Variants in SLC15A4 observed in about 807,000 individuals in gnomAD.
The protein encoded by SLC15A4 is solute carrier family 15 member 4.
SLC15A4 carries 26 observed loss-of-function variants against 46.1 expected under a neutral mutation model. The ratio of observed to expected loss-of-function variants is 0.56; its 90% CI spans 0.41 to 0.78. SLC15A4 has a LOEUF of 0.78. SLC15A4 is among the 30% of genes least tolerant of loss of function. SLC15A4 has a pLI of 0.00. For missense variants in SLC15A4, 751 were observed against 755.7 expected (o/e 0.99, Z 0.07); for synonymous variants, 370 against 333.4 (o/e 1.11, Z -1.20).
intron 1 of SLC15A4, among the ~76,000 whole-genome samples, chr12:128,816,704 C>A (rs1028434575): frequency 6.6e-6 from 1 of 152,098 alleles, no homozygotes; most frequent in Non-Finnish European, 1.5e-5. Flanking sequence ...CGGTGGTGTG[C>A]GCCTACAGTC....
intron 1 of SLC15A4, among the ~76,000 whole-genome samples, chr12:128,816,328 T>C (rs1317268836): frequency 6.6e-6 from 1 of 152,222 alleles, no homozygotes; most frequent in African/African-American, 2.4e-5. Flanking sequence ...GTGAGTTTCA[T>C]TTCATAAATT....
chr12:128,818,992 C>A (rs1336327244), intron 1 of SLC15A4, among the ~76,000 whole-genome samples: 1 of 152,164 alleles, frequency 6.6e-6, no homozygotes, highest in African/African-American at 2.4e-5. Flanking sequence ...TTTATACATT[C>A]ATCAGTGAAC....
In SLC15A4 at chr12:128,799,398, T is replaced by A. The variant is rs745800168; in HGVS notation, c.1434A>T (p.Ser478=). ...CACTCTGCATGGACTTGGGGGCAGC[T>A]GAGTATGCAAATTCCAGGCCTGAGG... The part of the protein sequence containing the change: ...ASIAGLEFAY[S]AAPKSMQSAI... The change falls in exon 7 of 8, where the codon TCA becomes TCT. Residue 478 remains serine, a synonymous_variant. Coordinates refer to ENST00000266771, the MANE Select transcript of SLC15A4 (RefSeq NM_145648.4). 1.9e-6 allele frequency: 3 copies of A among 1,614,080 alleles called. No individual in the cohort carries two copies. Among genetic ancestry groups the A allele is most frequent in the Middle Eastern group, 1.7e-4 (1 of 6,060 alleles).
rs1955702242 is a variant in SLC15A4 at position 128,813,961 on chromosome 12, T to C, written c.842+814A>G. ...CACAAACACTTCTGAGCTCTCTTCT[T>C]GGGCTTAAGTTCTGGACTTTATTAA... On this transcript the variant is annotated intron_variant, in intron 2 of 7. Transcript: ENST00000266771. 4 of 154,876 alleles carry C rather than the reference T, an allele frequency of 2.6e-5. No individual in the cohort carries two copies. In the Middle Eastern group the frequency reaches 1.9e-3, roughly 72 times the overall value. 9.6% of individuals were successfully genotyped at this position (154,876 alleles called of 1,614,324 possible). A position where few individuals can be genotyped will look rare whatever the true frequency, so the allele number is the denominator to read the frequency against.
At chr12:128,800,507 C>T (rs1158040430) in intron 6 of SLC15A4, among the ~76,000 whole-genome samples, 4 of 152,240 alleles carry the variant, frequency 2.6e-5, no homozygotes, top group Non-Finnish European at 5.9e-5. Context: ...CTAAACGAAG[C>T]GCACTGAGAG....
chr12:128,821,487 G>C (rs916814032), intron 1 of SLC15A4, among the ~76,000 whole-genome samples: 4 of 152,248 alleles, frequency 2.6e-5, no homozygotes, highest in Non-Finnish European at 5.9e-5. Flanking sequence ...CTGTGTTGCA[G>C]AAACAGGTGG....
intron 2 of SLC15A4, chr12:128,813,642 C>A (rs1016130117): frequency 8.5e-5 from 13 of 152,238 alleles, no homozygotes; most frequent in African/African-American, 3.1e-4. Context: ...GAATGTCCAG[C>A]AACCAGTGCC....
chr12:128,819,562 T>C (rs1269169859), intron 1 of SLC15A4: 1 of 152,166 alleles, frequency 6.6e-6, no homozygotes, highest in Non-Finnish European at 1.5e-5. Context: ...TATTAGCTAA[T>C]AGGCGGTCTA....
At chr12:128,803,761 T>C (rs926772490) in intron 5 of SLC15A4, among the ~76,000 whole-genome samples, 6 of 151,694 alleles carry the variant, frequency 4.0e-5, no homozygotes, top group Admixed American at 3.3e-4. Flanking sequence ...CAGACACAAA[T>C]AGAAAGCGAG....
chr12:128,812,812 T>C (rs1955678664), intron 2 of SLC15A4, among the ~76,000 whole-genome samples: 1 of 152,140 alleles, frequency 6.6e-6, no homozygotes, highest in Non-Finnish European at 1.5e-5. Context: ...CTGCCCAAGG[T>C]TACAGAGCCA....
chr12:128,794,629 A>G (rs1955424653), intron 7 of SLC15A4, among the ~76,000 whole-genome samples: 1 of 152,166 alleles, frequency 6.6e-6, no homozygotes, highest in African/African-American at 2.4e-5. Context: ...CTCTTCTGTA[A>G]GGTAAAAGGA....
At chr12:128,807,262 G>A (rs1196839024) in intron 5 of SLC15A4, among the ~76,000 whole-genome samples, 1 of 152,146 alleles carries the variant, frequency 6.6e-6, no homozygotes, top group Non-Finnish European at 1.5e-5. Context: ...ACAGTGACTG[G>A]TCTGGCACTT....
At chr12:128,807,601 T>G (rs972393750) in intron 5 of SLC15A4, among the ~76,000 whole-genome samples, 1 of 152,178 alleles carries the variant, frequency 6.6e-6, no homozygotes, top group African/African-American at 2.4e-5. Flanking sequence ...CAGCCTCCAG[T>G]GCAAAGACTT....
At chr12:128,820,024 C>T (rs1249492994) in intron 1 of SLC15A4, among the ~76,000 whole-genome samples, 1 of 152,170 alleles carries the variant, frequency 6.6e-6, no homozygotes, top group Non-Finnish European at 1.5e-5. Context: ...GCAACTGTGG[C>T]GAGGCTTAAA....
At chr12:128,806,558 T>C (rs951859151) in intron 5 of SLC15A4, among the ~76,000 whole-genome samples, 15 of 152,236 alleles carry the variant, frequency 9.9e-5, no homozygotes, top group Admixed American at 2.6e-4. Flanking sequence ...GAGCTAGGAA[T>C]GAAACCTCAT....
Position 128,799,340 on chromosome 12 carries a change from C to G in SLC15A4, c.1492G>C (p.Val498Leu). ...IMGLFFFFSG[V>L]GSFVGSGLLA... The stretch of plus-strand genomic sequence containing the variant: ...AGTCCAGAACCCACGAACGACCCGA[C>G]GCCAGAGAAGAAAAAGAACAAGCCC... Residue 498 changes from valine to leucine, a missense_variant, in exon 7 of 8, where the codon GTC (valine) becomes CTC (leucine). By Grantham distance (32) the Val-to-Leu change is conservative. Transcript: ENST00000266771. The G allele has an allele frequency of 6.2e-7, 1 of 1,614,050 alleles. No homozygotes were observed. Among genetic ancestry groups the G allele is most frequent in the Non-Finnish European group, 8.5e-7 (1 of 1,180,024 alleles).
chr12:128,811,648 CT>C lies in SLC15A4; in HGVS notation c.843-1538del, dbSNP rs558793498. 2.2e-3 allele frequency among the ~76,000 whole-genome samples: 336 copies of C among 152,316 alleles called. 1 individual carries two copies. Among genetic ancestry groups the C allele is most frequent in the Admixed American group, 4.5e-3 (69 of 15,304 alleles). On this transcript the variant is annotated intron_variant, in intron 2 of 7. Coordinates refer to ENST00000266771, the MANE Select transcript of SLC15A4 (RefSeq NM_145648.4). ...AAAACATTAACTTCTTCAAGTACTACTTTTTTTCAAAAAGGAAATTAAAGTC... is the reference window on the plus strand; with the variant it reads ...AAAACATTAACTTCTTCAAGTACTACTTTTTTCAAAAAGGAAATTAAAGTC...
chr12:128,808,810 G>A lies in SLC15A4; in HGVS notation c.1236C>T (p.Val412=), dbSNP rs755759886. ...TACCTGCAGCAAAGGCCGAGCACATGACAAAGAACATGCCCACGGCGATCC... is the reference window on the plus strand; with the variant it reads ...TACCTGCAGCAAAGGCCGAGCACATAACAAAGAACATGCCCACGGCGATCC... ...LKRIAVGMFF[V]MCSAFAAGIL... The change falls in exon 5 of 8, where the codon GTC becomes GTT. Residue 412 remains valine (V), a synonymous_variant. Transcript: ENST00000266771. The A allele has an allele frequency of 1.8e-5, 29 of 1,614,076 alleles. No homozygotes were observed. In the Admixed American group the frequency reaches 4.8e-4, roughly 27 times the overall value.
In SLC15A4 at chr12:128,823,631, C is replaced by A; in HGVS notation, c.313G>T (p.Ala105Ser). Residue 105 changes from alanine to serine, a missense_variant, in exon 1 of 8, where the codon GCC (alanine) becomes TCC (serine). Coordinates refer to ENST00000266771, the MANE Select transcript of SLC15A4 (RefSeq NM_145648.4). ...TAGAGCGCCAGGCTCAGCAGGATGG[C>A]GCGCGCCCGGCCCAGCCGCGCGTCG... The part of the protein sequence containing the change: ...LADARLGRAR[A>S]ILLSLALYLL... 6.8e-7 allele frequency: 1 copy of A among 1,478,560 alleles called. No homozygotes were observed. Among genetic ancestry groups the A allele is most frequent in the South Asian group, 1.3e-5 (1 of 78,366 alleles). 91.6% of individuals were successfully genotyped at this position (1,478,560 alleles called of 1,614,324 possible). A position where few individuals can be genotyped will look rare whatever the true frequency, so the allele number is the denominator to read the frequency against.
Sources: allele counts gnomAD v4.1 joint callset (sites outside exome capture counted in the v4.1 genomes callset), GRCh38; gene constraint gnomAD v4.1.1; transcripts MANE v1.5; gene names NCBI Gene and HGNC (gene_info 2026-07-23, HGNC 2026-07-21).